Variants in SPATA16 observed in about 807,000 individuals in gnomAD.
SPATA16 encodes the protein spermatogenesis associated 16, also known as spermatogenesis-associated protein 16.
Under a neutral mutation model 63.3 loss-of-function variants are expected in SPATA16, and 36 were observed. The ratio of observed to expected loss-of-function variants is 0.57; its 90% CI spans 0.44 to 0.75. The LOEUF is 0.75. Among genes scored for constraint, SPATA16 ranks in the 30% least tolerant of loss-of-function variants. The pLI, the probability that SPATA16 is intolerant of heterozygous loss-of-function variation, is 0.00. For missense variants in SPATA16, 646 were observed against 679.3 expected (o/e 0.95, Z 0.54); for synonymous variants, 203 against 216.7 (o/e 0.94, Z 0.56).
At chr3:173,124,546 T>C (rs1415453892) in intron 1 of SPATA16, among the ~76,000 whole-genome samples, 1 of 152,218 alleles carries the variant, frequency 6.6e-6, no homozygotes, top group Non-Finnish European at 1.5e-5. Context: ...CACCTCTTCT[T>C]TTGTTATTGG....
rs542425806 is a variant in SPATA16, at chr3:173,061,042, A to G, written c.613-11948T>C. On this transcript the variant is annotated intron_variant, in intron 2 of 10. Transcript: ENST00000351008. The stretch of plus-strand genomic sequence containing the variant: ...ACCACAGTGCTGTTAGATCTTTTAC[A>G]TATAGAACTTCCTTTGCTAGAATTG... Among the ~76,000 whole-genome samples the G allele has an allele frequency of 1.3e-4, 20 of 152,330 alleles. No homozygotes were observed. The South Asian group carries it at 2.1e-3, about 16-fold the overall frequency.
intron 6 of SPATA16, among the ~76,000 whole-genome samples, chr3:172,946,658 G>A (rs1733295988): frequency 6.6e-6 from 1 of 152,176 alleles, no homozygotes; most frequent in African/African-American, 2.4e-5. Context: ...TGGCTTGGGT[G>A]CCAGCTCAGC....
At chr3:173,057,523 A>C (rs183253855) in intron 2 of SPATA16, among the ~76,000 whole-genome samples, 109 of 152,232 alleles carry the variant, frequency 7.2e-4, no homozygotes, top group African/African-American at 2.6e-3. Context: ...AGAGTGCTTC[A>C]AGATTGTTGG....
At chr3:173,068,668 A>T (rs1028569444) in intron 2 of SPATA16, among the ~76,000 whole-genome samples, 1 of 152,114 alleles carries the variant, frequency 6.6e-6, no homozygotes, top group African/African-American at 2.4e-5. Context: ...GCTTACTAAA[A>T]CCTATGCAAT....
chr3:172,906,999 G>T (rs1242888045), intron 10 of SPATA16, among the ~76,000 whole-genome samples: 1 of 152,052 alleles, frequency 6.6e-6, no homozygotes, highest in East Asian at 1.9e-4. Context: ...TTATGAGTTT[G>T]GTATATGTAA....
At chr3:173,096,657 TA>T (rs142828389) in intron 2 of SPATA16, among the ~76,000 whole-genome samples, 1,626 of 152,236 alleles carry the variant, frequency 0.011, 27 homozygotes, top group African/African-American at 0.037. Context: ...ACACAGCTGA[TA>T]GGGGTGTAAT....
intron 5 of SPATA16, among the ~76,000 whole-genome samples, chr3:172,958,905 A>G (rs1733671065): frequency 6.6e-6 from 1 of 152,082 alleles, no homozygotes; most frequent in African/African-American, 2.4e-5. Context: ...TCTGTCTCCA[A>G]CTGTGGCTGA....
intron 1 of SPATA16, among the ~76,000 whole-genome samples, chr3:173,133,302 A>G (rs2108349170): frequency 6.6e-6 from 1 of 152,316 alleles, no homozygotes; most frequent in Middle Eastern, 3.4e-3. Flanking sequence ...AAAGGGGAAG[A>G]AGGGACATTT....
chr3:172,913,879 T>C (rs1732424725), intron 9 of SPATA16, 135 bp from the exon 10 acceptor site: 1 of 752,002 alleles, frequency 1.3e-6, no homozygotes, highest in South Asian at 1.6e-5. Context: ...ACAATGAATA[T>C]TGCCACCTCA....
chr3:172,890,598 T>C (rs1731874793), intron 10 of SPATA16, among the ~76,000 whole-genome samples: 2 of 152,172 alleles, frequency 1.3e-5, no homozygotes, highest in Non-Finnish European at 2.9e-5. Flanking sequence ...TTTTCCAATT[T>C]TGAGTTCCAC....
intron 3 of SPATA16, among the ~76,000 whole-genome samples, chr3:173,021,722 TTTTATTTA>T (rs76258278): frequency 0.021 from 2,886 of 139,678 alleles, 67 homozygotes; most frequent in African/African-American, 0.059. Context: ...CCCTATTACT[TTTTATTTA>T]TTTATTTATT....
intron 3 of SPATA16, among the ~76,000 whole-genome samples, chr3:173,039,331 A>T (rs2108288539): frequency 6.6e-6 from 1 of 152,286 alleles, no homozygotes; most frequent in Admixed American, 6.5e-5. Context: ...ACCCACAAGG[A>T]GTACCTGTGC....
At chr3:172,959,719 A>G (rs541898665) in intron 5 of SPATA16, among the ~76,000 whole-genome samples, 2 of 151,062 alleles carry the variant, frequency 1.3e-5, no homozygotes, top group Non-Finnish European at 2.9e-5. Flanking sequence ...TTATTCTTCT[A>G]GAGACAGACA....
intron 10 of SPATA16, among the ~76,000 whole-genome samples, chr3:172,907,361 T>C (rs1401415137): frequency 6.6e-6 from 1 of 152,324 alleles, no homozygotes; most frequent in East Asian, 1.9e-4. Context: ...GCCACCATTA[T>C]TGCTCTCACT....
chr3:173,036,990 A>T (rs1284570277), intron 3 of SPATA16, among the ~76,000 whole-genome samples: 2 of 152,086 alleles, frequency 1.3e-5, no homozygotes, highest in Admixed American at 1.3e-4. Context: ...GACTCACATA[A>T]GCAAAAACCC....
intron 2 of SPATA16, among the ~76,000 whole-genome samples, chr3:173,076,139 T>A (rs1302432986): frequency 6.6e-6 from 1 of 152,144 alleles, no homozygotes; most frequent in Non-Finnish European, 1.5e-5. Flanking sequence ...ATATTATTTA[T>A]ATGAACTAGT....
At chr3:173,091,919 C>A (rs1166665415) in intron 2 of SPATA16, among the ~76,000 whole-genome samples, 1 of 152,016 alleles carries the variant, frequency 6.6e-6, no homozygotes, top group Non-Finnish European at 1.5e-5. Context: ...ATTATCTTTT[C>A]CAGAATATTT....
At chr3:173,019,670 T>TTCTCAA in intron 3 of SPATA16, 95 bp from the exon 4 acceptor site, 1 of 1,147,168 alleles carries the variant, frequency 8.7e-7, no homozygotes. Context: ...TTCAATTTTA[T>TTCTCAA]ATACTATGTG....
At chr3:172,950,434 T>A in intron 6 of SPATA16, among the ~76,000 whole-genome samples, 1 of 152,236 alleles carries the variant, frequency 6.6e-6, no homozygotes, top group East Asian at 1.9e-4. Flanking sequence ...GTGCAAATAT[T>A]AGATGATTTA....
Sources: gnomAD v4.1 joint callset for allele counts (sites outside exome capture counted in the v4.1 genomes callset) on GRCh38, gnomAD v4.1.1 for gene constraint, MANE v1.5 for transcripts, NCBI Gene and HGNC (gene_info 2026-07-23, HGNC 2026-07-21) for gene names.